Variants in FBXO31 observed in about 807,000 individuals in gnomAD.
FBXO31 encodes F-box protein 31, also known as F-box only protein 31.
A neutral mutation model predicts 54.4 loss-of-function variants in FBXO31; 24 were observed. The observed-to-expected ratio is 0.44, with a 90% CI of 0.32 to 0.62. FBXO31 has a LOEUF of 0.62. Ranked by LOEUF, FBXO31 falls within the 20% of genes least tolerant of loss-of-function variation. FBXO31 has a pLI of 0.05. For missense variants in FBXO31, 665 were observed against 787.1 expected, an observed-to-expected ratio of 0.84 and a Z score of 1.86; for synonymous variants, 388 against 335.6, an observed-to-expected ratio of 1.16 and a Z score of -1.71.
chr16:87,352,074 G>C (rs924119450), intron 2 of FBXO31, among the ~76,000 whole-genome samples: 1 of 152,166 alleles, frequency 6.6e-6, no homozygotes, highest in Non-Finnish European at 1.5e-5. Context: ...GAAGCTCCCA[G>C]GTGACTGTGA....
intron 8 of FBXO31, among the ~76,000 whole-genome samples, chr16:87,333,530 T>C (rs995159709): frequency 1.3e-5 from 2 of 152,216 alleles, no homozygotes; most frequent in Non-Finnish European, 2.9e-5. Context: ...CTGGACAGTT[T>C]ACATGATATT....
At chr16:87,357,797 G>A (rs1269517181) in intron 2 of FBXO31, among the ~76,000 whole-genome samples, 1 of 152,062 alleles carries the variant, frequency 6.6e-6, no homozygotes, top group African/African-American at 2.4e-5. Context: ...GCTGGGCATG[G>A]TGGTGTATGC....
chr16:87,350,020 A>C (rs1169872994), intron 2 of FBXO31, among the ~76,000 whole-genome samples: 2 of 152,210 alleles, frequency 1.3e-5, no homozygotes, highest in African/African-American at 4.8e-5. Context: ...CTCAGAGACC[A>C]CATGCACAGT....
At chr16:87,360,441 G>T in intron 1 of FBXO31, 75 bp from the exon 2 acceptor site, 2 of 1,315,908 alleles carry the variant, frequency 1.5e-6, no homozygotes, top group Non-Finnish European at 2.2e-6. Flanking sequence ...GCTGCTGATG[G>T]CTGGCAGGGG....
At chr16:87,362,159 CACA>C (rs1392470100) in intron 1 of FBXO31, among the ~76,000 whole-genome samples, 1 of 152,210 alleles carries the variant, frequency 6.6e-6, no homozygotes, top group Non-Finnish European at 1.5e-5. Context: ...CTGATGGAAA[CACA>C]ACGTGAGCCA....
chr16:87,357,073 C>T (rs1905922864), intron 2 of FBXO31, among the ~76,000 whole-genome samples: 2 of 151,978 alleles, frequency 1.3e-5, no homozygotes, highest in African/African-American at 4.8e-5. Flanking sequence ...TAGTGAGACC[C>T]GTCACTACAA....
chr16:87,343,639 A>G lies in FBXO31; in HGVS notation c.616T>C (p.Cys206Arg). ...LMERKAATVE[C>R]MYGHKGPHHG... ...TGGGGCCCTTTGTGGCCGTACATGC[A>G]CTCCACTGTGGCAGCCTTCCTCTCC... Residue 206 changes from cysteine to arginine, a missense_variant, in exon 4 of 9, where the codon TGC becomes CGC. Physicochemically the swap from Cys to Arg is radical, Grantham distance 180. Around this residue, in one of 4 missense-constraint regions of FBXO31, gnomAD observed 234 missense variants for 346.8 expected, o/e 0.67. Coordinates refer to ENST00000311635, the MANE Select transcript of FBXO31 (RefSeq NM_024735.5). 6.2e-7 allele frequency: 1 copy of G among 1,613,688 alleles called. No homozygotes were observed.
chr16:87,383,367 C>CCCCCCCCCCA lies in FBXO31; in HGVS notation c.340+37_340+38insTGGGGGGGGG. ...CCGAGGCCTCCACCTGGCAGGGACC[C>CCCCCCCCCCA]CCCGCCCCTCCCGGCCCCGCCACCC... is the stretch of plus-strand genomic sequence containing the variant. On this transcript the variant is annotated intron_variant, in intron 1 of 8. Coordinates refer to ENST00000311635, the MANE Select transcript of FBXO31 (RefSeq NM_024735.5). The surrounding 1 kb of genome is among the most constrained non-coding windows in gnomAD (Gnocchi z 4.9). 2.1e-6 allele frequency: 3 copies of CCCCCCCCCCA among 1,426,548 alleles called. No homozygotes were observed. Among genetic ancestry groups the CCCCCCCCCCA allele is most frequent in the Non-Finnish European group, 2.9e-6 (3 of 1,052,374 alleles). 88.4% of individuals were successfully genotyped at this position (1,426,548 alleles called of 1,614,324 possible). A position where few individuals can be genotyped will look rare whatever the true frequency, so the allele number is the denominator to read the frequency against.
chr16:87,347,329 A>T (rs1266529380), intron 2 of FBXO31, 79 bp from the exon 3 acceptor site: 1 of 1,235,690 alleles, frequency 8.1e-7, no homozygotes, highest in Non-Finnish European at 1.2e-6. Flanking sequence ...GAGAGGGAGG[A>T]AGGAACCATG....
intron 1 of FBXO31, among the ~76,000 whole-genome samples, chr16:87,360,841 A>G (rs1018304761): frequency 4.5e-4 from 68 of 152,286 alleles, no homozygotes; most frequent in African/African-American, 1.5e-3. Flanking sequence ...GGACCGTGCA[A>G]GACATGGGGG....
At chr16:87,344,978 T>G (rs1441699651) in intron 3 of FBXO31, among the ~76,000 whole-genome samples, 6 of 123,948 alleles carry the variant, frequency 4.8e-5, no homozygotes, top group Non-Finnish European at 3.4e-5. Flanking sequence ...AGCCCATCCC[T>G]GCCCCGAACC....
intron 2 of FBXO31, among the ~76,000 whole-genome samples, chr16:87,353,558 A>T (rs1597368806): frequency 6.6e-6 from 1 of 152,362 alleles, no homozygotes; most frequent in South Asian, 2.1e-4. Context: ...GTGGGGACAG[A>T]GGCAGGGGCT....
intron 1 of FBXO31, among the ~76,000 whole-genome samples, chr16:87,374,923 C>T (rs1906755921): frequency 6.6e-6 from 1 of 152,184 alleles, no homozygotes; most frequent in Admixed American, 6.6e-5. Flanking sequence ...TGGCTCACGC[C>T]TGTAATCCCA....
chr16:87,342,122 G>C (rs1359349578), intron 5 of FBXO31, among the ~76,000 whole-genome samples: 1 of 152,160 alleles, frequency 6.6e-6, no homozygotes, highest in African/African-American at 2.4e-5. Flanking sequence ...TGGGAGTGCG[G>C]TGGTGCGCTC....
At chr16:87,386,467 C>A (rs925012943), upstream of FBXO31, among the ~76,000 whole-genome samples, 2 of 152,220 alleles carry the variant, frequency 1.3e-5, no homozygotes, top group African/African-American at 4.8e-5. Context: ...GAGTCTCACT[C>A]TGTCACCCAG....
chr16:87,387,491 A>G (rs1324306668), upstream of FBXO31, among the ~76,000 whole-genome samples: 2 of 152,198 alleles, frequency 1.3e-5, no homozygotes, highest in Non-Finnish European at 2.9e-5. Context: ...AAAGGTCACA[A>G]GTAGTATTTC....
chr16:87,363,438 G>A lies in FBXO31; in HGVS notation c.341-3072C>T, dbSNP rs115571251. On this transcript the variant is annotated intron_variant, in intron 1 of 8. Transcript: ENST00000311635. Reference sequence around the variant, plus strand: ...CACCGGCTCATCTCCTTTGCCTCACGGTCTAGGGGCCTCCTGGGTGACCTG... The same window carrying A: ...CACCGGCTCATCTCCTTTGCCTCACAGTCTAGGGGCCTCCTGGGTGACCTG... Among the ~76,000 whole-genome samples the A allele has an allele frequency of 6.0e-3, 918 of 152,226 alleles. 5 individuals carry two copies. Among genetic ancestry groups the A allele is most frequent in the African/African-American group, 6.1e-3 (255 of 41,556 alleles).
chr16:87,376,245 T>C (rs999764735), intron 1 of FBXO31, among the ~76,000 whole-genome samples: 7 of 152,078 alleles, frequency 4.6e-5, no homozygotes, highest in Non-Finnish European at 7.4e-5. Flanking sequence ...TTGCTCTCTG[T>C]TGTGGGAAAC....
In FBXO31 at chr16:87,345,159, C is replaced by A. The variant is rs1053353248; in HGVS notation, c.490-1394G>T. Among the ~76,000 whole-genome samples the A allele has an allele frequency of 8.5e-5, 13 of 152,314 alleles. No homozygotes were observed. The highest frequency in any genetic ancestry group is 3.1e-4 in the African/African-American group (13 of 41,568). On this transcript the variant is annotated intron_variant, in intron 3 of 8. Coordinates refer to ENST00000311635, the MANE Select transcript of FBXO31 (RefSeq NM_024735.5). This position sits in a 1 kb window ranked among gnomAD's most constrained non-coding sequence, Gnocchi z 4.9. ...CCTCGCTGGGCTCAGCCCCTGGTCC[C>A]ACAAAAGGGAGCGGAGCACAATCCC...
Sources: gnomAD v4.1 joint callset for allele counts (sites outside exome capture counted in the v4.1 genomes callset) on GRCh38, gnomAD v4.1.1 for gene constraint, gnomAD v4.1.1 regional missense constraint, Gnocchi (gnomAD v3.1) non-coding constraint, MANE v1.5 for transcripts, NCBI Gene and HGNC (gene_info 2026-07-23, HGNC 2026-07-21) for gene names.